APIP: variants seen among roughly 807,000 people sequenced by gnomAD.
APIP encodes the protein APAF1 interacting protein.
Under a neutral mutation model 32.0 loss-of-function variants are expected in APIP, and 32 were observed. The ratio of observed to expected loss-of-function variants is 1.00; its 90% CI spans 0.76 to 1.34. The LOEUF (loss-of-function observed/expected upper bound fraction) is 1.34, where lower values mean the gene tolerates loss of function less well. Among genes scored for constraint, APIP ranks in the 40% most tolerant of loss-of-function variants. The probability of loss-of-function intolerance (pLI) is 0.00; values close to 1 mark genes in which losing one functional copy is unlikely to be tolerated. For synonymous variants in APIP, 92 were observed against 94.8 expected, an observed-to-expected ratio of 0.97 and a Z score of 0.17; for missense variants, 247 against 298.6, an observed-to-expected ratio of 0.83 and a Z score of 1.27.
rs77336834 is a variant in APIP, at chr11:34,893,966, T to C, written c.158+1044A>G. Among the ~76,000 whole-genome samples the C allele has an allele frequency of 5.5e-3, 831 of 152,284 alleles. 11 individuals are homozygous for C. The highest frequency in any genetic ancestry group is 0.019 in the African/African-American group (796 of 41,546). Reference sequence around the variant, plus strand: ...AAGTGAATTAGAATGAAGTAATAAATCAACATCACTCAATTTAACACACAA... The same window carrying C: ...AAGTGAATTAGAATGAAGTAATAAACCAACATCACTCAATTTAACACACAA... On this transcript the variant is annotated intron_variant, in intron 2 of 6. Transcript: ENST00000395787.
rs57593563 is a variant in APIP, at chr11:34,898,786, G to GTTTTT, written c.58-3681_58-3677dup. 5.6e-4 allele frequency among the ~76,000 whole-genome samples: 31 copies of GTTTTT among 55,192 alleles called. 4 individuals are homozygous for GTTTTT. The highest frequency in any genetic ancestry group is 6.5e-4 in the Non-Finnish European group (21 of 32,356). The allele number at this position is 55,192 out of a possible 152,430, so 36.2% of individuals were successfully genotyped here. Reference sequence around the variant, plus strand: ...CGAGCACATAGTATTTCTTTCTTTGGTTTTTTTTTTTTTTTTTTTTTTTTT... The same window carrying GTTTTT: ...CGAGCACATAGTATTTCTTTCTTTGGTTTTTTTTTTTTTTTTTTTTTTTTTTTTTT... On this transcript the variant is annotated intron_variant, in intron 1 of 6. Coordinates refer to ENST00000395787, the MANE Select transcript of APIP (RefSeq NM_015957.4).
intron 4 of APIP, 48 bp downstream of exon 4, chr11:34,888,704 G>T: frequency 7.4e-7 from 1 of 1,350,400 alleles, no homozygotes; most frequent in South Asian, 1.4e-5. Context: ...TTATTTAGAG[G>T]AGCCTACTCT....
intron 1 of APIP, among the ~76,000 whole-genome samples, chr11:34,907,305 G>A (rs1853475036): frequency 6.6e-6 from 1 of 152,182 alleles, no homozygotes; most frequent in Non-Finnish European, 1.5e-5. Context: ...GAAGACTCCT[G>A]CAGTCTTCCA....
Position 34,905,997 on chromosome 11 carries a change from T to C in APIP, c.57+10231A>G, listed in dbSNP as rs112172067. Among the ~76,000 whole-genome samples, 833 of 152,298 alleles carry C rather than the reference T, an allele frequency of 5.5e-3. 12 individuals are homozygous for C. Among genetic ancestry groups the C allele is most frequent in the African/African-American group, 0.019 (798 of 41,548 alleles). ...ATTTGTCAGGTGGACGCTTCTCACTTGACATGTCGAATTCCAAATGGCATC... is the reference window on the plus strand; with the variant it reads ...ATTTGTCAGGTGGACGCTTCTCACTCGACATGTCGAATTCCAAATGGCATC... On this transcript the variant is annotated intron_variant, in intron 1 of 6. Coordinates refer to ENST00000395787, the MANE Select transcript of APIP (RefSeq NM_015957.4).
intron 2 of APIP, among the ~76,000 whole-genome samples, chr11:34,892,503 G>C (rs945110925): frequency 6.7e-6 from 1 of 148,480 alleles, no homozygotes; most frequent in Non-Finnish European, 1.5e-5. Flanking sequence ...ATTAATTGTA[G>C]TCCTAATCAC....
chr11:34,887,353 T>C (rs2985393), intron 5 of APIP, among the ~76,000 whole-genome samples: 91,322 of 152,114 alleles, frequency 0.6, 28,460 homozygotes, highest in East Asian at 0.74. Flanking sequence ...GCCCCAGATA[T>C]GGAAGAGGCA....
At chr11:34,900,957 C>T (rs962264925) in intron 1 of APIP, among the ~76,000 whole-genome samples, 2 of 151,700 alleles carry the variant, frequency 1.3e-5, no homozygotes, top group East Asian at 1.9e-4. Flanking sequence ...CTATTTATCC[C>T]GATTCAATCA....
chr11:34,915,940 T>A, intron 1 of APIP: 1 of 525,220 alleles, frequency 1.9e-6, no homozygotes. Flanking sequence ...AAATACCCGG[T>A]GAGGTCACCT....
At chr11:34,887,245 CTT>C (rs1447687992) in intron 5 of APIP, among the ~76,000 whole-genome samples, 1 of 152,152 alleles carries the variant, frequency 6.6e-6, no homozygotes, top group Non-Finnish European at 1.5e-5. Context: ...TTTCCAAACT[CTT>C]TTCAGAAAAA....
chr11:34,885,524 G>A lies in APIP; in HGVS notation c.462-2020C>T, dbSNP rs374755286. Among the ~76,000 whole-genome samples the A allele has an allele frequency of 7.0e-4, 107 of 152,180 alleles. 1 individual carries two copies. The South Asian group carries it at 0.021, about 30-fold the overall frequency. The stretch of plus-strand genomic sequence containing the variant: ...CTCTAGTGGACAAGGGCCCCGAGCT[G>A]TACACAGCCCTCCGTATTTATTGGT... On this transcript the variant is annotated intron_variant, in intron 5 of 6. Transcript: ENST00000395787.
chr11:34,905,410 T>C (rs7931454), intron 1 of APIP, among the ~76,000 whole-genome samples: 19,808 of 152,126 alleles, frequency 0.13, 1,757 homozygotes, highest in African/African-American at 0.26. Flanking sequence ...TTATTGGCTT[T>C]ACCTTTACCC....
chr11:34,885,093 TAC>T (rs1157570148), intron 5 of APIP, among the ~76,000 whole-genome samples: 1 of 148,590 alleles, frequency 6.7e-6, no homozygotes, highest in East Asian at 1.9e-4. Context: ...AATATATGTA[TAC>T]ATAGTATACA....
In APIP at chr11:34,888,295, A is replaced by G. The variant is rs747324742; in HGVS notation, c.459T>C (p.Tyr153=). The change falls in exon 5 of 7, where the codon TAT becomes TAC. Residue 153 remains tyrosine (Y), a splice_region_variant and synonymous_variant. Coordinates refer to ENST00000395787, the MANE Select transcript of APIP (RefSeq NM_015957.4). ...GIKKCTSGGY[Y]RYDDMLVVPI... ...TAAGAAAAAGGAAAAAAAAATACCT[A>G]TAATACCCTCCGGAAGTACATTTCT... 2 of 1,588,728 alleles carry G rather than the reference A, an allele frequency of 1.3e-6. No individual in the cohort carries two copies. Among genetic ancestry groups the G allele is most frequent in the Admixed American group, 3.7e-5 (2 of 53,446 alleles).
intron 2 of APIP, among the ~76,000 whole-genome samples, chr11:34,890,967 G>A (rs905290005): frequency 1.3e-5 from 2 of 152,072 alleles, no homozygotes; most frequent in Non-Finnish European, 2.9e-5. Context: ...GTATATTTCT[G>A]TCATGCAAAG....
intron 2 of APIP, among the ~76,000 whole-genome samples, chr11:34,892,724 A>T (rs1275799734): frequency 6.6e-6 from 1 of 152,182 alleles, no homozygotes; most frequent in African/African-American, 2.4e-5. Context: ...GGAATGGTCC[A>T]GTCAAATCTT....
chr11:34,895,919 G>A (rs1464227869), intron 1 of APIP, among the ~76,000 whole-genome samples: 2 of 151,948 alleles, frequency 1.3e-5, no homozygotes, highest in Admixed American at 1.3e-4. Flanking sequence ...TCCATTTTGG[G>A]CAGTATAATA....
chr11:34,916,054 A>T lies in APIP; in HGVS notation c.57+174T>A, dbSNP rs2016821. On this transcript the variant is annotated intron_variant, in intron 1 of 6. Transcript: ENST00000395787. ...GACCACTGATCTCCTGGGGCCTCGC[A>T]GCCTTGCTTCCGAACGCCAAGGTCG... is the stretch of plus-strand genomic sequence containing the variant. 0.37 allele frequency: 297,132 copies of T among 808,988 alleles called. 58,425 individuals are homozygous for T. Among genetic ancestry groups the T allele is most frequent in the East Asian group, 0.72 (25,320 of 35,190 alleles). The allele number at this position is 808,988 out of a possible 1,614,324, so 50.1% of individuals were successfully genotyped here.
chr11:34,905,443 T>C (rs1041134656), intron 1 of APIP, among the ~76,000 whole-genome samples: 3 of 152,140 alleles, frequency 2.0e-5, no homozygotes, highest in African/African-American at 7.2e-5. Context: ...CAGGCATAAA[T>C]TGGACATGGT....
At chr11:34,893,989 C>T (rs1183551948) in intron 2 of APIP, among the ~76,000 whole-genome samples, 2 of 152,188 alleles carry the variant, frequency 1.3e-5, no homozygotes, top group Non-Finnish European at 2.9e-5. Flanking sequence ...ATTTAACACA[C>T]AACCTCCAGA....
Sources: allele counts gnomAD v4.1 joint callset (sites outside exome capture counted in the v4.1 genomes callset), GRCh38; gene constraint gnomAD v4.1.1; transcripts MANE v1.5; gene names NCBI Gene and HGNC (gene_info 2026-07-23, HGNC 2026-07-21).